FOLH1: variants seen among roughly 807,000 people sequenced by gnomAD.
FOLH1 encodes folate hydrolase 1, also known as glutamate carboxypeptidase 2.
FOLH1 carries 54 observed loss-of-function variants against 93.9 expected under a neutral mutation model. The ratio of observed to expected loss-of-function variants is 0.57; its 90% CI spans 0.46 to 0.72. The LOEUF is 0.72. FOLH1 is among the 30% of genes least tolerant of loss of function. The pLI, the probability that FOLH1 is intolerant of heterozygous loss-of-function variation, is 0.00. For synonymous variants in FOLH1, 249 were observed against 303.6 expected, an observed-to-expected ratio of 0.82 and a Z score of 1.87; for missense variants, 571 against 892.5, an observed-to-expected ratio of 0.64 and a Z score of 4.59.
chr11:49,193,857 G>T (rs967708754), intron 3 of FOLH1, among the ~76,000 whole-genome samples: 1 of 152,046 alleles, frequency 6.6e-6, no homozygotes, highest in African/African-American at 2.4e-5. Flanking sequence ...CATAAAGCTG[G>T]TCTAAGAACA....
intron 12 of FOLH1, 142 bp downstream of exon 12, chr11:49,169,053 T>C (rs2733981): frequency 1.2e-6 from 1 of 855,338 alleles, no homozygotes; most frequent in South Asian, 1.7e-5. Context: ...CTAGGGTTCA[T>C]ACACTGCTTC....
intron 7 of FOLH1, among the ~76,000 whole-genome samples, chr11:49,179,952 T>C (rs548639643): frequency 1.3e-5 from 2 of 152,320 alleles, no homozygotes; most frequent in South Asian, 4.1e-4. Context: ...AGTCATTCTA[T>C]AAATGTTTCT....
chr11:49,178,462 T>TA (rs1248021394), intron 7 of FOLH1, among the ~76,000 whole-genome samples: 4 of 152,112 alleles, frequency 2.6e-5, no homozygotes, highest in Non-Finnish European at 5.9e-5. Flanking sequence ...CAACACAATA[T>TA]AAAACCACGA....
intron 4 of FOLH1, among the ~76,000 whole-genome samples, chr11:49,191,561 G>GTCAA (rs1862049814): frequency 6.6e-6 from 1 of 152,212 alleles, no homozygotes. Flanking sequence ...TAATAGTAAT[G>GTCAA]TCAAAGTCCA....
Position 49,175,941 on chromosome 11 carries a change from C to A in FOLH1, c.937G>T (p.Ala313Ser). ...QKLLEKMGGS[A>S]PPDSSWRGSL... Reference sequence around the variant, plus strand: ...CCTCTCCAGCTGCTATCTGGTGGTGCTGAGCCACCCATTTTTCTATTGGAC... The same window carrying A: ...CCTCTCCAGCTGCTATCTGGTGGTGATGAGCCACCCATTTTTCTATTGGAC... Residue 313 changes from alanine to serine, a missense_variant, in exon 8 of 19, where the codon GCA becomes TCA. By Grantham distance (99) the Ala-to-Ser change is moderately conservative. This residue lies in a region of FOLH1 where 500 missense variants were observed against 822.9 expected (regional missense o/e 0.61). Transcript: ENST00000256999. The A allele has an allele frequency of 6.2e-7, 1 of 1,613,122 alleles. No individual in the cohort carries two copies. Among genetic ancestry groups the A allele is most frequent in the Non-Finnish European group, 8.5e-7 (1 of 1,179,652 alleles).
In FOLH1 at chr11:49,154,498, GA is replaced by G. The variant is rs775660774; in HGVS notation, c.1624-7del. The G allele has an allele frequency of 1.3e-6, 2 of 1,542,974 alleles. No homozygotes were observed. Among genetic ancestry groups the G allele is most frequent in the East Asian group, 4.6e-5 (2 of 43,322 alleles). On this transcript the variant is annotated splice_polypyrimidine_tract_variant and splice_region_variant and intron_variant, in intron 15 of 18. Coordinates refer to ENST00000256999, the MANE Select transcript of FOLH1 (RefSeq NM_004476.3). The stretch of plus-strand genomic sequence containing the variant: ...CCGCTGAATTTGTTTGTTTCCTACA[GA>G]AAAAACAACAAAACATATCTCTTAT...
At chr11:49,196,520 A>G (rs1052579831) in intron 3 of FOLH1, among the ~76,000 whole-genome samples, 3 of 152,200 alleles carry the variant, frequency 2.0e-5, no homozygotes, top group African/African-American at 7.2e-5. Context: ...AACACAGACT[A>G]AACATGCTAT....
At chr11:49,181,296 C>T (rs1412955168) in intron 7 of FOLH1, among the ~76,000 whole-genome samples, 7 of 151,694 alleles carry the variant, frequency 4.6e-5, no homozygotes, top group Non-Finnish European at 7.4e-5. Flanking sequence ...TTAGTACGGA[C>T]GGGGTTTCAC....
chr11:49,173,350 G>T lies in FOLH1; in HGVS notation c.1225+7C>A. Reference sequence around the variant, plus strand: ...CTGTTTTTTTTCTTGCTGTTTGTTTGTATTACCTTCCTTTTTCAGTGTTCC... The same window carrying T: ...CTGTTTTTTTTCTTGCTGTTTGTTTTTATTACCTTCCTTTTTCAGTGTTCC... On this transcript the variant is annotated splice_region_variant and intron_variant, in intron 10 of 18. Coordinates refer to ENST00000256999, the MANE Select transcript of FOLH1 (RefSeq NM_004476.3). The T allele has an allele frequency of 1.2e-6, 2 of 1,606,146 alleles. No homozygotes were observed. Among genetic ancestry groups the T allele is most frequent in the Non-Finnish European group, 8.5e-7 (1 of 1,175,566 alleles).
At chr11:49,177,854 T>C (rs1316162084) in intron 7 of FOLH1, among the ~76,000 whole-genome samples, 4 of 150,792 alleles carry the variant, frequency 2.7e-5, no homozygotes, top group Non-Finnish European at 5.9e-5. Context: ...TCCCAGCTAT[T>C]TGGGAGGCTG....
chr11:49,177,669 C>T lies in FOLH1; in HGVS notation c.921-1712G>A, dbSNP rs185470432. 1.7e-3 allele frequency among the ~76,000 whole-genome samples: 252 copies of T among 151,640 alleles called. 1 individual carries two copies. The highest frequency in any genetic ancestry group is 5.7e-3 in the African/African-American group (236 of 41,358). On this transcript the variant is annotated intron_variant, in intron 7 of 18. Transcript: ENST00000256999. ...CCAATAGTAAAGGGCTACCTGGAGC[C>T]GGGCGCGGTGGCTCACGCCTGTAAT...
intron 12 of FOLH1, among the ~76,000 whole-genome samples, chr11:49,165,623 GGGGAAAAAT>G (rs1858293900): frequency 6.6e-6 from 1 of 152,146 alleles, no homozygotes; most frequent in South Asian, 2.1e-4. Context: ...ACACAGTTGG[GGGGAAAAAT>G]GGTATTTGCA....
rs1298392308 is a variant in FOLH1, at chr11:49,183,163, T to C, written c.906A>G (p.Ala302=). Residue 302 remains alanine (A), a synonymous_variant, in exon 7 of 19, where the codon GCA becomes GCG. Coordinates refer to ENST00000256999, the MANE Select transcript of FOLH1 (RefSeq NM_004476.3). ...TACAAACTTACTCTAGGAGCTTCTGTGCATCATAGTATCCAATTGGATGAA... is the reference window on the plus strand; with the variant it reads ...TACAAACTTACTCTAGGAGCTTCTGCGCATCATAGTATCCAATTGGATGAA... ...IPVHPIGYYD[A]QKLLEKMGGS... 1 of 1,610,138 alleles carries C rather than the reference T, an allele frequency of 6.2e-7. No homozygotes were observed. Among genetic ancestry groups the C allele is most frequent in the East Asian group, 2.2e-5 (1 of 44,798 alleles).
chr11:49,176,223 G>A (rs1277897266), intron 7 of FOLH1, among the ~76,000 whole-genome samples: 1 of 152,086 alleles, frequency 6.6e-6, no homozygotes, highest in Non-Finnish European at 1.5e-5. Context: ...TTATTGATAA[G>A]AATTTGATCT....
Position 49,208,483 on chromosome 11 carries a change from A to C in FOLH1, c.-74T>G. On this transcript the variant is annotated 5_prime_UTR_variant, in exon 1 of 19. Transcript: ENST00000256999. ...CTCTACTGCGCGCCCTCCAACCACCACGGCGGGGTAAAGTCTCTCTCAATC... is the reference window on the plus strand; with the variant it reads ...CTCTACTGCGCGCCCTCCAACCACCCCGGCGGGGTAAAGTCTCTCTCAATC... 2.0e-6 allele frequency: 2 copies of C among 1,010,364 alleles called. No individual in the cohort carries two copies. The highest frequency in any genetic ancestry group is 2.9e-6 in the Non-Finnish European group (2 of 682,400). 62.6% of individuals were successfully genotyped at this position (1,010,364 alleles called of 1,614,324 possible).
chr11:49,203,940 G>A (rs1252634097), intron 2 of FOLH1, among the ~76,000 whole-genome samples: 1 of 152,192 alleles, frequency 6.6e-6, no homozygotes, highest in African/African-American at 2.4e-5. Context: ...GTCCACACCT[G>A]TTAACACCAA....
At chr11:49,177,997 C>A (rs917165698) in intron 7 of FOLH1, among the ~76,000 whole-genome samples, 1 of 151,620 alleles carries the variant, frequency 6.6e-6, no homozygotes, top group Non-Finnish European at 1.5e-5. Context: ...AAAAGGCTAC[C>A]TGGGGGCCAG....
intron 12 of FOLH1, among the ~76,000 whole-genome samples, chr11:49,168,489 T>C (rs1263186496): frequency 6.6e-6 from 1 of 152,196 alleles, no homozygotes; most frequent in Non-Finnish European, 1.5e-5. Context: ...CTATTCCCTT[T>C]CTCAAGCCTT....
At chr11:49,181,315 T>C (rs1860704946) in intron 7 of FOLH1, among the ~76,000 whole-genome samples, 1 of 152,004 alleles carries the variant, frequency 6.6e-6, no homozygotes. Context: ...ACTGACCATG[T>C]TGGCGAGGAT....
Sources: gnomAD v4.1 joint callset for allele counts (sites outside exome capture counted in the v4.1 genomes callset) on GRCh38, gnomAD v4.1.1 for gene constraint, gnomAD v4.1.1 regional missense constraint, MANE v1.5 for transcripts, NCBI Gene and HGNC (gene_info 2026-07-23, HGNC 2026-07-21) for gene names.